The following CNTLN variants were observed in gnomAD, a reference collection of about 807,000 sequenced individuals.
CNTLN encodes the protein centlein.
CNTLN carries 212 observed loss-of-function variants against 180.0 expected under a neutral mutation model. The ratio of observed to expected loss-of-function variants is 1.18; its 90% CI spans 1.05 to 1.32. The LOEUF (loss-of-function observed/expected upper bound fraction) is 1.32, where lower values mean the gene tolerates loss of function less well. Among genes scored for constraint, CNTLN ranks in the 40% most tolerant of loss-of-function variants. CNTLN has a pLI of 0.00. For missense variants in CNTLN, 2,095 were observed against 1,610.9 expected (o/e 1.30, Z -5.14); for synonymous variants, 722 against 563.1 (o/e 1.28, Z -3.99).
chr9:17,260,393 C>G (rs1174938589), intron 5 of CNTLN, among the ~76,000 whole-genome samples: 3 of 151,168 alleles, frequency 2.0e-5, no homozygotes, highest in East Asian at 3.9e-4. Flanking sequence ...GCTTTACTTC[C>G]AAATATGTGG....
intron 7 of CNTLN, chr9:17,301,487 A>G: frequency 1.0e-6 from 1 of 985,118 alleles, no homozygotes; most frequent in South Asian, 4.7e-5. Flanking sequence ...GTTTTTTGTC[A>G]TTTCTTTCTC....
chr9:17,514,125 T>A, the CNTLN span, among the ~76,000 whole-genome samples: 16 of 146,380 alleles, frequency 1.1e-4, no homozygotes, highest in Non-Finnish European at 1.5e-4. Flanking sequence ...CTAGGCAACA[T>A]AGTGAGACCC....
intron 2 of CNTLN, among the ~76,000 whole-genome samples, chr9:17,204,901 C>G (rs1205657753): frequency 6.6e-6 from 1 of 152,190 alleles, no homozygotes; most frequent in African/African-American, 2.4e-5. Context: ...GAGGAGAAAT[C>G]TAGAGTAGCA....
chr9:17,275,799 T>TAGCTA lies in CNTLN; in HGVS notation c.983+1934_983+1938dup, dbSNP rs150767376. 4.3e-4 allele frequency among the ~76,000 whole-genome samples: 65 copies of TAGCTA among 152,240 alleles called. No individual in the cohort carries two copies. In the East Asian group the frequency reaches 0.012, roughly 28 times the overall value. ...TTCTTATACAATAGTAAAAGAATAA[T>TAGCTA]AGCTAGTGGGCCATGTGTAATTCTA... On this transcript the variant is annotated intron_variant, in intron 6 of 25. Coordinates refer to ENST00000380647, the MANE Select transcript of CNTLN (RefSeq NM_017738.4).
intron 16 of CNTLN, among the ~76,000 whole-genome samples, chr9:17,410,802 A>C (rs1173751057): frequency 6.6e-6 from 1 of 152,146 alleles, no homozygotes; most frequent in Non-Finnish European, 1.5e-5. Context: ...CTTTATTCAA[A>C]GGTGCCACCT....
At chr9:17,178,411 G>C (rs1003011973) in intron 2 of CNTLN, among the ~76,000 whole-genome samples, 3 of 152,222 alleles carry the variant, frequency 2.0e-5, no homozygotes, top group Non-Finnish European at 1.5e-5. Context: ...CCCTGTGCCC[G>C]CACTCCTCAG....
intron 8 of CNTLN, among the ~76,000 whole-genome samples, chr9:17,322,174 T>G (rs1819959893): frequency 1.3e-5 from 2 of 152,092 alleles, no homozygotes; most frequent in Non-Finnish European, 2.9e-5. Flanking sequence ...GGGAAATGAT[T>G]TTTGGATAGT....
intron 3 of CNTLN, among the ~76,000 whole-genome samples, chr9:17,233,243 G>T (rs77145233): frequency 6.6e-6 from 1 of 151,800 alleles, no homozygotes; most frequent in Non-Finnish European, 1.5e-5. Context: ...AGTAAGTTTC[G>T]TATAAGTTAT....
chr9:17,419,949 C>G (rs1828578086), intron 18 of CNTLN, among the ~76,000 whole-genome samples: 1 of 152,206 alleles, frequency 6.6e-6, no homozygotes, highest in African/African-American at 2.4e-5. Flanking sequence ...GAGTCTCACT[C>G]TGTCACCCAG....
At chr9:17,202,637 G>A (rs1324720861) in intron 2 of CNTLN, among the ~76,000 whole-genome samples, 20 of 125,978 alleles carry the variant, frequency 1.6e-4, no homozygotes, top group African/African-American at 6.7e-4. Context: ...GCCTAGGATT[G>A]CAACCTCTGT....
chr9:17,372,068 C>G (rs773357379), intron 13 of CNTLN, among the ~76,000 whole-genome samples: 4 of 151,680 alleles, frequency 2.6e-5, no homozygotes, highest in Admixed American at 6.6e-5. Context: ...AAAGCTAGAG[C>G]TAATCAAACC....
intron 5 of CNTLN, among the ~76,000 whole-genome samples, chr9:17,238,807 T>C (rs548589260): frequency 1.3e-5 from 2 of 152,300 alleles, no homozygotes; most frequent in East Asian, 3.9e-4. Context: ...CATGTATATA[T>C]ATTTTCATTT....
chr9:17,522,513 C>G, the CNTLN span, among the ~76,000 whole-genome samples: 1 of 152,170 alleles, frequency 6.6e-6, no homozygotes, highest in East Asian at 1.9e-4. Context: ...GCCTTTTCAT[C>G]ACTTCGGGGG....
Position 17,403,737 on chromosome 9 carries a change from G to A in CNTLN, c.2616-5556G>A, listed in dbSNP as rs536870912. The stretch of plus-strand genomic sequence containing the variant: ...GGTAGGACTGGGAGGTAGGGAGGTG[G>A]CCTAGTCAGCATTTTCCCAGAGAAG... On this transcript the variant is annotated intron_variant, in intron 15 of 25. Coordinates refer to ENST00000380647, the MANE Select transcript of CNTLN (RefSeq NM_017738.4). Among the ~76,000 whole-genome samples, 18 of 151,698 alleles carry A rather than the reference G, an allele frequency of 1.2e-4. 1 individual carries two copies. Among genetic ancestry groups the A allele is most frequent in the African/African-American group, 3.6e-4 (15 of 41,130 alleles).
At chr9:17,433,277 T>C (rs1829539383) in intron 18 of CNTLN, among the ~76,000 whole-genome samples, 1 of 151,904 alleles carries the variant, frequency 6.6e-6, no homozygotes, top group African/African-American at 2.4e-5. Flanking sequence ...AGTTTTCTTC[T>C]ATTTTTAGCT....
intron 2 of CNTLN, among the ~76,000 whole-genome samples, chr9:17,164,668 A>T (rs941137007): frequency 4.0e-5 from 6 of 151,368 alleles, no homozygotes; most frequent in Non-Finnish European, 7.4e-5. Flanking sequence ...GCTCGTCTCG[A>T]ATTCCTGACC....
Position 17,332,648 on chromosome 9 carries a change from C to T in CNTLN, c.1562C>T (p.Ser521Phe), listed in dbSNP as rs1820722356. Residue 521 changes from serine to phenylalanine, a missense_variant, in exon 10 of 26, where the codon TCT (serine) becomes TTT (phenylalanine). Physicochemically the swap from Ser to Phe is radical, Grantham distance 155. Transcript: ENST00000380647. ...KRSRSLSPKSSFTDSEELQKL... is the reference protein window; with the variant it reads ...KRSRSLSPKSFFTDSEELQKL... ...TCAAGGTCTTTGTCCCCAAAGAGCT[C>T]TTTCACAGACTCAGAAGAGCTACAG... is the stretch of plus-strand genomic sequence containing the variant. 1 of 1,607,848 alleles carries T rather than the reference C, an allele frequency of 6.2e-7. No individual in the cohort carries two copies. Among genetic ancestry groups the T allele is most frequent in the East Asian group, 2.2e-5 (1 of 44,620 alleles).
At chr9:17,263,475 C>T (rs1467148153) in intron 5 of CNTLN, among the ~76,000 whole-genome samples, 1 of 151,386 alleles carries the variant, frequency 6.6e-6, no homozygotes, top group African/African-American at 2.5e-5. Context: ...CAAGTCTTTG[C>T]TATTGTGAAT....
chr9:17,191,747 A>G (rs1422097931), intron 2 of CNTLN, among the ~76,000 whole-genome samples: 1 of 152,222 alleles, frequency 6.6e-6, no homozygotes, highest in African/African-American at 2.4e-5. Flanking sequence ...ATATGAAGAG[A>G]AATAGTGAAT....
Sources: gnomAD v4.1 joint callset for allele counts (sites outside exome capture counted in the v4.1 genomes callset) on GRCh38, gnomAD v4.1.1 for gene constraint, MANE v1.5 for transcripts, NCBI Gene and HGNC (gene_info 2026-07-23, HGNC 2026-07-21) for gene names.